MGAT4C: variants seen among roughly 807,000 people sequenced by gnomAD.
The protein encoded by MGAT4C is MGAT4 family member C, also known as alpha-1,3-mannosyl-glycoprotein 4-beta-N-acetylglucosaminyltransferase C.
Under a neutral mutation model 40.1 loss-of-function variants are expected in MGAT4C, and 19 were observed. The observed-to-expected ratio is 0.47, with a 90% CI of 0.33 to 0.70. MGAT4C has a LOEUF of 0.70. Among genes scored for constraint, MGAT4C ranks in the 30% least tolerant of loss-of-function variants. MGAT4C has a pLI of 0.02. For synonymous variants in MGAT4C, 181 were observed against 187.1 expected (o/e 0.97, Z 0.27); for missense variants, 491 against 563.2 (o/e 0.87, Z 1.30).
chr12:86,029,476 T>C lies in MGAT4C; in HGVS notation c.-7+20198A>G, dbSNP rs559948998. ...TAAAAACCAGCAGAGTAAAATCTTT[T>C]TACAGTATGAGAATGAGAATACAAA... On this transcript the variant is annotated intron_variant, in intron 2 of 4. Coordinates refer to ENST00000611864, the MANE Select transcript of MGAT4C (RefSeq NM_001351288.2). Among the ~76,000 whole-genome samples the C allele has an allele frequency of 2.6e-5, 4 of 152,042 alleles. No homozygotes were observed. The South Asian group carries it at 8.3e-4, about 31-fold the overall frequency.
intron 1 of MGAT4C, among the ~76,000 whole-genome samples, chr12:86,114,877 G>A (rs944983832): frequency 2.6e-5 from 4 of 151,798 alleles, no homozygotes; most frequent in African/African-American, 9.7e-5. Context: ...TGTGACGTTT[G>A]GTGACAAGAA....
chr12:86,285,472 A>G (rs1196991453), intron 4 of MGAT4C, among the ~76,000 whole-genome samples: 1 of 152,114 alleles, frequency 6.6e-6, no homozygotes, highest in African/African-American at 2.4e-5. Context: ...TGCAAATAGC[A>G]TACAAGAATA....
intron 2 of MGAT4C, among the ~76,000 whole-genome samples, chr12:86,001,312 T>G (rs543259070): frequency 1.3e-5 from 2 of 152,354 alleles, no homozygotes; most frequent in Non-Finnish European, 2.9e-5. Context: ...GAGAACAATC[T>G]CTTTCTCCTA....
In MGAT4C at chr12:85,972,812, C is replaced by T. The variant is rs568032027; in HGVS notation, c.*6477G>A. On this transcript the variant is annotated 3_prime_UTR_variant, in exon 5 of 5. Coordinates refer to ENST00000611864, the MANE Select transcript of MGAT4C (RefSeq NM_001351288.2). ...CACTCATTGATGAAGTAAGTTACAACGTGGAATAACAAAGTTTAAGTGTGG... is the reference window on the plus strand; with the variant it reads ...CACTCATTGATGAAGTAAGTTACAATGTGGAATAACAAAGTTTAAGTGTGG... 8 of 150,998 alleles carry T rather than the reference C, an allele frequency of 5.3e-5. No homozygotes were observed. The highest frequency in any genetic ancestry group is 1.9e-4 in the East Asian group (1 of 5,178). The allele number at this position is 150,998 out of a possible 1,614,324, so 9.4% of individuals were successfully genotyped here.
At chr12:86,347,456 T>A (rs67982824) in intron 3 of MGAT4C, among the ~76,000 whole-genome samples, 12,688 of 152,202 alleles carry the variant, frequency 0.083, 1,283 homozygotes, top group East Asian at 0.24. Context: ...AAATACTGAT[T>A]CCTTTCAGTT....
intron 1 of MGAT4C, among the ~76,000 whole-genome samples, chr12:86,052,891 A>T (rs141069331): frequency 3.3e-5 from 5 of 152,070 alleles, no homozygotes; most frequent in African/African-American, 1.2e-4. Context: ...TATATCTTTC[A>T]TTTGTGCAAG....
chr12:85,984,262 C>T lies in MGAT4C; in HGVS notation c.148-592G>A, dbSNP rs1408858629. Among the ~76,000 whole-genome samples, 5 of 152,190 alleles carry T rather than the reference C, an allele frequency of 3.3e-5. No individual in the cohort carries two copies. The South Asian group carries it at 1.0e-3, about 32-fold the overall frequency. ...TGTTGAGAAGGGCCAGTTATGGGTG[C>T]TATGGCAGTAATTTTTTTCATATGT... On this transcript the variant is annotated intron_variant, in intron 3 of 4. Transcript: ENST00000611864.
chr12:86,001,775 T>C, intron 2 of MGAT4C: 1 of 345,496 alleles, frequency 2.9e-6, no homozygotes, highest in Non-Finnish European at 4.1e-6. Flanking sequence ...AGCTGAAATA[T>C]TTTCCTTGGT....
chr12:86,199,777 G>C (rs1403965491), intron 1 of MGAT4C, among the ~76,000 whole-genome samples: 1 of 152,046 alleles, frequency 6.6e-6, no homozygotes, highest in African/African-American at 2.4e-5. Flanking sequence ...TTTGGAAAAT[G>C]TGTATCACTA....
intron 4 of MGAT4C, among the ~76,000 whole-genome samples, chr12:86,321,905 T>C (rs978217280): frequency 1.3e-5 from 2 of 152,094 alleles, no homozygotes; most frequent in Non-Finnish European, 2.9e-5. Context: ...ATCATACTGC[T>C]ATAAAGACAA....
chr12:86,120,633 T>A (rs1365491670), intron 1 of MGAT4C, among the ~76,000 whole-genome samples: 1 of 152,220 alleles, frequency 6.6e-6, no homozygotes, highest in Non-Finnish European at 1.5e-5. Context: ...AAACAGGGTC[T>A]GGAGTGGACC....
intron 2 of MGAT4C, among the ~76,000 whole-genome samples, chr12:86,531,635 T>C (rs1958986136): frequency 6.6e-6 from 1 of 152,054 alleles, no homozygotes; most frequent in Non-Finnish European, 1.5e-5. Context: ...CATTCAGTTA[T>C]GAAATCACTC....
chr12:86,215,831 G>A (rs751163358), intron 1 of MGAT4C, among the ~76,000 whole-genome samples: 1 of 152,026 alleles, frequency 6.6e-6, no homozygotes, highest in Non-Finnish European at 1.5e-5. Context: ...ATCAAGCAAA[G>A]GTACCTGTCA....
chr12:86,539,191 C>T (rs1248957391), intron 2 of MGAT4C, among the ~76,000 whole-genome samples: 2 of 150,560 alleles, frequency 1.3e-5, no homozygotes, highest in Non-Finnish European at 3.0e-5. Context: ...GACCCCACTA[C>T]AGGCTCCGGT....
intron 1 of MGAT4C, among the ~76,000 whole-genome samples, chr12:86,758,952 C>T (rs1379919138): frequency 6.6e-6 from 1 of 152,046 alleles, no homozygotes; most frequent in Non-Finnish European, 1.5e-5. Context: ...GTTAACTCTA[C>T]TCATCCTACT....
chr12:86,221,016 C>G (rs1306361951), intron 1 of MGAT4C, among the ~76,000 whole-genome samples: 1 of 152,154 alleles, frequency 6.6e-6, no homozygotes, highest in Non-Finnish European at 1.5e-5. Flanking sequence ...AACAGGATTG[C>G]TTTGGACTAC....
chr12:86,519,982 T>C (rs1478457360), intron 2 of MGAT4C, among the ~76,000 whole-genome samples: 3 of 152,200 alleles, frequency 2.0e-5, no homozygotes, highest in Non-Finnish European at 2.9e-5. Flanking sequence ...CAGATCAATG[T>C]CCTGGGATTT....
At chr12:86,792,939 A>G (rs549435002) in intron 1 of MGAT4C, among the ~76,000 whole-genome samples, 1 of 152,232 alleles carries the variant, frequency 6.6e-6, no homozygotes, top group Non-Finnish European at 1.5e-5. Context: ...ACAAAAGAAA[A>G]CAAAACTAGT....
chr12:86,387,000 T>C (rs567531659), intron 3 of MGAT4C, among the ~76,000 whole-genome samples: 1 of 152,316 alleles, frequency 6.6e-6, no homozygotes, highest in South Asian at 2.1e-4. Context: ...AGTTGCATAG[T>C]TGGAATTTGC....
Sources: allele counts gnomAD v4.1 joint callset (sites outside exome capture counted in the v4.1 genomes callset), GRCh38; gene constraint gnomAD v4.1.1; transcripts MANE v1.5; gene names NCBI Gene and HGNC (gene_info 2026-07-23, HGNC 2026-07-21).